TMTC3: variants seen among roughly 807,000 people sequenced by gnomAD.
TMTC3 encodes the protein transmembrane O-mannosyltransferase targeting cadherins 3, also known as protein O-mannosyl-transferase TMTC3.
TMTC3 carries 52 observed loss-of-function variants against 92.2 expected under a neutral mutation model. That is an observed-to-expected ratio of 0.56 (90% CI 0.45 to 0.71). The LOEUF (loss-of-function observed/expected upper bound fraction) is 0.71, where lower values mean the gene tolerates loss of function less well. Among genes scored for constraint, TMTC3 ranks in the 30% least tolerant of loss-of-function variants. The pLI, the probability that TMTC3 is intolerant of heterozygous loss-of-function variation, is 0.00. For synonymous variants in TMTC3, 339 were observed against 363.3 expected (o/e 0.93, Z 0.76); for missense variants, 896 against 1,057.1 (o/e 0.85, Z 2.11).
chr12:88,196,907 A>T lies in TMTC3; in HGVS notation c.*1258A>T, dbSNP rs1043859599. 6.6e-6 allele frequency: 1 copy of T among 151,790 alleles called. No homozygotes were observed. The highest frequency in any genetic ancestry group is 2.4e-5 in the African/African-American group (1 of 41,410). The allele number at this position is 151,790 out of a possible 1,614,324, so 9.4% of individuals were successfully genotyped here. ...TTTTCAGTTGGTTTGGGCAAATTTA[A>T]ACCTGAAAAATAGGTTAAAAAGTAG... On this transcript the variant is annotated 3_prime_UTR_variant, in exon 14 of 14. Coordinates refer to ENST00000266712, the MANE Select transcript of TMTC3 (RefSeq NM_181783.4).
intron 11 of TMTC3, 103 bp downstream of exon 11, chr12:88,189,049 A>G (rs1193600124): frequency 1.4e-6 from 1 of 695,192 alleles, no homozygotes; most frequent in Non-Finnish European, 2.4e-6. Context: ...GTTAGTTGAT[A>G]TAAAAGTAAG....
chr12:88,147,809 C>T lies in TMTC3; in HGVS notation c.-28-479C>T, dbSNP rs11832220. Among the ~76,000 whole-genome samples, 657 of 152,022 alleles carry T rather than the reference C, an allele frequency of 4.3e-3. 5 individuals are homozygous for T. Among genetic ancestry groups the T allele is most frequent in the African/African-American group, 0.015 (631 of 41,458 alleles). ...TTGATTCCTGATCCTTACTCTGGAA[C>T]CTTTTTTATTTCCAGAAGCTTTTAG... On this transcript the variant is annotated intron_variant, in intron 1 of 13. Transcript: ENST00000266712.
chr12:88,144,386 TTTCTC>T (rs2040845861), intron 1 of TMTC3, among the ~76,000 whole-genome samples: 1 of 152,110 alleles, frequency 6.6e-6, no homozygotes, highest in African/African-American at 2.4e-5. Flanking sequence ...AGAAGTCTGT[TTTCTC>T]TAACACCTTT....
At chr12:88,186,843 A>G (rs1290548408) in intron 10 of TMTC3, among the ~76,000 whole-genome samples, 1 of 152,078 alleles carries the variant, frequency 6.6e-6, no homozygotes, top group African/African-American at 2.4e-5. Flanking sequence ...CTGCTCTTTG[A>G]AAACATAGGG....
intron 1 of TMTC3, among the ~76,000 whole-genome samples, chr12:88,145,160 T>C (rs2040857507): frequency 6.6e-6 from 1 of 152,224 alleles, no homozygotes; most frequent in Non-Finnish European, 1.5e-5. Context: ...CATAGTAGCT[T>C]ACTTCTCCGA....
rs967187659 is a variant in TMTC3 at position 88,198,654 on chromosome 12, A to G, written c.*3005A>G. On this transcript the variant is annotated 3_prime_UTR_variant, in exon 14 of 14. Coordinates refer to ENST00000266712, the MANE Select transcript of TMTC3 (RefSeq NM_181783.4). ...TTTGATATGTGAATTACACAGTTCT[A>G]ATAAAACCTCATGCCTTTTCATTAC... The G allele has an allele frequency of 2.7e-5, 10 of 368,996 alleles. No individual in the cohort carries two copies. Among genetic ancestry groups the G allele is most frequent in the Admixed American group, 2.3e-4 (5 of 22,006 alleles). 22.9% of individuals were successfully genotyped at this position (368,996 alleles called of 1,614,324 possible). A position where few individuals can be genotyped will look rare whatever the true frequency, so the allele number is the denominator to read the frequency against.
intron 1 of TMTC3, among the ~76,000 whole-genome samples, chr12:88,143,133 C>T (rs76362487): frequency 6.6e-6 from 1 of 151,740 alleles, no homozygotes; most frequent in African/African-American, 2.4e-5. Flanking sequence ...AATGACATTT[C>T]CAACTATCTG....
chr12:88,179,150 C>T (rs569006828), intron 10 of TMTC3, among the ~76,000 whole-genome samples: 65 of 152,196 alleles, frequency 4.3e-4, no homozygotes, highest in Non-Finnish European at 7.9e-4. Flanking sequence ...ATGAATAAAG[C>T]GTTTTTTAAA....
chr12:88,181,589 A>T (rs2041318507), intron 10 of TMTC3, among the ~76,000 whole-genome samples: 1 of 152,176 alleles, frequency 6.6e-6, no homozygotes, highest in South Asian at 2.1e-4. Context: ...TATGTGTGTT[A>T]AAAATAGGAT....
intron 7 of TMTC3, among the ~76,000 whole-genome samples, chr12:88,171,377 A>C (rs1307515419): frequency 6.6e-6 from 1 of 152,024 alleles, no homozygotes; most frequent in African/African-American, 2.4e-5. Context: ...TTCTCCCTCC[A>C]ACCCTGGTGA....
intron 2 of TMTC3, 60 bp from the exon 3 acceptor site, chr12:88,153,231 G>A: frequency 8.9e-7 from 1 of 1,125,534 alleles, no homozygotes; most frequent in South Asian, 1.5e-5. Flanking sequence ...GCAGTGATGA[G>A]CTTTTGTACC....
chr12:88,152,041 G>A (rs2040949228), intron 2 of TMTC3, among the ~76,000 whole-genome samples: 1 of 152,214 alleles, frequency 6.6e-6, no homozygotes, highest in South Asian at 2.1e-4. Context: ...TTGTGTGCCA[G>A]AAAGTTACAG....
chr12:88,150,753 A>G (rs1487368704), intron 2 of TMTC3, among the ~76,000 whole-genome samples: 2 of 152,142 alleles, frequency 1.3e-5, no homozygotes, highest in Admixed American at 6.5e-5. Context: ...TCAAAGATCT[A>G]ATCATTGATA....
chr12:88,190,413 T>G (rs1485198908), intron 11 of TMTC3, 40 bp from the exon 12 acceptor site: 2 of 1,588,340 alleles, frequency 1.3e-6, no homozygotes, highest in Non-Finnish European at 1.7e-6. Context: ...TTTTTGATAC[T>G]GAAATATCAA....
chr12:88,192,321 GTCC>G (rs1293836399), intron 12 of TMTC3, among the ~76,000 whole-genome samples: 1 of 152,042 alleles, frequency 6.6e-6, no homozygotes, highest in African/African-American at 2.4e-5. Flanking sequence ...TATTTGCTCT[GTCC>G]TCCTTCCTGG....
At chr12:88,185,338 CTCT>C (rs1470403662) in intron 10 of TMTC3, among the ~76,000 whole-genome samples, 1 of 151,568 alleles carries the variant, frequency 6.6e-6, no homozygotes, top group Non-Finnish European at 1.5e-5. Context: ...TATGGACTCT[CTCT>C]TTTTTTTTTT....
At chr12:88,148,166 G>A in intron 1 of TMTC3, 122 bp from the exon 2 acceptor site, 1 of 610,622 alleles carries the variant, frequency 1.6e-6, no homozygotes, top group Non-Finnish European at 2.9e-6. Flanking sequence ...CTTAGAAGTG[G>A]ATGGCATTTT....
intron 7 of TMTC3, among the ~76,000 whole-genome samples, chr12:88,172,383 C>G (rs187488962): frequency 6.6e-6 from 1 of 151,922 alleles, no homozygotes; most frequent in Non-Finnish European, 1.5e-5. Context: ...ACCTTGCTTA[C>G]GTACATCCTG....
intron 9 of TMTC3, among the ~76,000 whole-genome samples, chr12:88,175,406 C>T (rs992435174): frequency 6.6e-6 from 1 of 152,072 alleles, no homozygotes; most frequent in African/African-American, 2.4e-5. Context: ...TTTTTACTTC[C>T]TTTGGACTGT....
Sources: allele counts gnomAD v4.1 joint callset (sites outside exome capture counted in the v4.1 genomes callset), GRCh38; gene constraint gnomAD v4.1.1; transcripts MANE v1.5; gene names NCBI Gene and HGNC (gene_info 2026-07-23, HGNC 2026-07-21).